SFPQ: variants seen among roughly 807,000 people sequenced by gnomAD.
The protein encoded by SFPQ is splicing factor proline and glutamine rich.
SFPQ carries 11 observed loss-of-function variants against 72.9 expected under a neutral mutation model. That is an observed-to-expected ratio of 0.15 (90% confidence interval 0.09 to 0.25). The LOEUF is 0.25. Among genes scored for constraint, SFPQ ranks in the 10% least tolerant of loss-of-function variants. The pLI, the probability that SFPQ is intolerant of heterozygous loss-of-function variation, is 1.00. For synonymous variants in SFPQ, 506 were observed against 367.3 expected (o/e 1.38, Z -4.32); for missense variants, 847 against 993.3 (o/e 0.85, Z 1.98).
At chr1:35,191,923 T>C (rs963157608) in intron 1 of SFPQ, among the ~76,000 whole-genome samples, 1 of 152,240 alleles carries the variant, frequency 6.6e-6, no homozygotes, top group South Asian at 2.1e-4. Flanking sequence ...CTACGCCGCA[T>C]GCTCTGCATT....
chr1:35,183,374 C>T lies in SFPQ; in HGVS notation c.*1082G>A, dbSNP rs534113855. 10 of 278,232 alleles carry T rather than the reference C, an allele frequency of 3.6e-5. No homozygotes were observed. In the East Asian group the frequency reaches 8.6e-4, roughly 24 times the overall value. The allele number at this position is 278,232 out of a possible 1,614,324, so 17.2% of individuals were successfully genotyped here. ...CTGGGATTACAGGCGCCTGCCACCACGCCCAGCTAATTTTTTGTATTTTTA... is the reference window on the plus strand; with the variant it reads ...CTGGGATTACAGGCGCCTGCCACCATGCCCAGCTAATTTTTTGTATTTTTA... On this transcript the variant is annotated 3_prime_UTR_variant, in exon 10 of 10. Coordinates refer to ENST00000357214, the MANE Select transcript of SFPQ (RefSeq NM_005066.3).
Position 35,192,268 on chromosome 1 carries a change from G to A in SFPQ, c.782C>T (p.Pro261Leu), listed in dbSNP as rs1386539443. The change falls in exon 1 of 10, where the codon CCC (proline) becomes CTC (leucine). Residue 261 changes from proline (P) to leucine (L), a missense_variant. Physicochemically the swap from Pro to Leu is moderately conservative, Grantham distance 98. Around this residue, in one of 6 missense-constraint regions of SFPQ, gnomAD observed 498 missense variants for 405.1 expected, o/e 1.23. Coordinates refer to ENST00000357214, the MANE Select transcript of SFPQ (RefSeq NM_005066.3). ...CTCGCTGCGGCCGCCGGGCCCGCCG[G>A]GCGGGGGCCCCTGGTGATGCTGCTG... ...YHQQHHQGPP[P>L]GGPGGRSEEK... The A allele has an allele frequency of 1.4e-6, 2 of 1,463,640 alleles. No homozygotes were observed. Among genetic ancestry groups the A allele is most frequent in the African/African-American group, 1.5e-5 (1 of 67,638 alleles). 90.7% of individuals were successfully genotyped at this position (1,463,640 alleles called of 1,614,324 possible). A position where few individuals can be genotyped will look rare whatever the true frequency, so the allele number is the denominator to read the frequency against.
rs772025230 is a variant in SFPQ, at chr1:35,191,470, T to C, written c.888A>G (p.Arg296=). ...GTAGATTCCCAACAAACAACCGACA[T>C]CGCTGTGTGTAAGTTTTCTCTCCAG... ...RRPGEKTYTQ[R]CRLFVGNLPA... is the part of the protein sequence containing the mutation. The change falls in exon 2 of 10, where the codon CGA becomes CGG. Residue 296 remains arginine (R), a synonymous_variant. Transcript: ENST00000357214. 1.9e-6 allele frequency: 3 copies of C among 1,614,166 alleles called. No homozygotes were observed. In the South Asian group the frequency reaches 3.3e-5, roughly 18 times the overall value.
At chr1:35,187,888 G>C in intron 7 of SFPQ, 85 bp downstream of exon 7, 2 of 800,884 alleles carry the variant, frequency 2.5e-6, no homozygotes, top group Non-Finnish European at 4.3e-6. Context: ...ACTGTAATTT[G>C]ATATTAAAAT....
downstream of SFPQ, chr1:35,179,398 G>A (rs1317347539): frequency 9.5e-7 from 1 of 1,056,384 alleles, no homozygotes. Context: ...GAAAGCACCG[G>A]TATCTGTTCC....
chr1:35,178,903 AT>A (rs1639356803), downstream of SFPQ: 1 of 1,041,534 alleles, frequency 9.6e-7, no homozygotes. Context: ...AAAAAAAAAT[AT>A]TTTTTTCAGC....
chr1:35,179,258 C>A, downstream of SFPQ: 1 of 1,061,136 alleles, frequency 9.4e-7, no homozygotes, highest in Non-Finnish European at 1.1e-6. Context: ...ACATGCAACC[C>A]CCATTAAGGT....
intron 1 of SFPQ, among the ~76,000 whole-genome samples, chr1:35,192,011 C>T (rs528094367): frequency 6.6e-6 from 1 of 152,144 alleles, no homozygotes; most frequent in East Asian, 1.9e-4. Context: ...AGGAAACCTC[C>T]CCTAGCCTTC....
At chr1:35,188,184 T>C in intron 6 of SFPQ, 94 bp from the exon 7 acceptor site, 1 of 937,196 alleles carries the variant, frequency 1.1e-6, no homozygotes, top group South Asian at 1.4e-5. Flanking sequence ...AGAACTAGGT[T>C]AGCACTAAAA....
At chr1:35,187,451 C>A (rs1194939978) in intron 7 of SFPQ, among the ~76,000 whole-genome samples, 200 bp from the exon 8 acceptor site, 4 of 152,220 alleles carry the variant, frequency 2.6e-5, no homozygotes, top group African/African-American at 7.2e-5. Context: ...CTATTCAAGG[C>A]CGGGAGCAGT....
chr1:35,191,966 G>C (rs1214223847), intron 1 of SFPQ, among the ~76,000 whole-genome samples: 3 of 152,092 alleles, frequency 2.0e-5, no homozygotes. Context: ...ACCTTCTGCA[G>C]GGCCGACCAC....
chr1:35,178,920 TGTTCAA>T, downstream of SFPQ: 1 of 1,052,098 alleles, frequency 9.5e-7, no homozygotes, highest in East Asian at 5.4e-5. Context: ...TCAGCACTGG[TGTTCAA>T]AAGCAACGTT....
At chr1:35,187,144 T>C (rs1036582774) in intron 8 of SFPQ, 22 bp from the exon 9 acceptor site, 2 of 1,614,034 alleles carry the variant, frequency 1.2e-6, no homozygotes, top group South Asian at 1.1e-5. Context: ...AAATAGTGGT[T>C]ACAACTCCAC....
intron 4 of SFPQ, 102 bp from the exon 5 acceptor site, chr1:35,189,484 G>A (rs888338557): frequency 2.1e-6 from 2 of 970,236 alleles, no homozygotes; most frequent in Admixed American, 5.9e-5. Context: ...CTTGTAAAGA[G>A]TACAAAAGGC....
At chr1:35,178,477 G>C (rs1273681239), downstream of SFPQ, 22 of 1,064,340 alleles carry the variant, frequency 2.1e-5, no homozygotes, top group Non-Finnish European at 2.4e-5. Flanking sequence ...TTCAGCAGGA[G>C]TCCTCCAAGA....
intron 2 of SFPQ, 127 bp downstream of exon 2, chr1:35,191,214 G>C (rs1410859207): frequency 5.6e-6 from 5 of 895,562 alleles, no homozygotes; most frequent in African/African-American, 1.7e-5. Context: ...TTTCCTGTAA[G>C]AATGGTGAAA....
At chr1:35,187,741 CCAAA>C (rs903564619) in intron 7 of SFPQ, among the ~76,000 whole-genome samples, 49 of 151,002 alleles carry the variant, frequency 3.2e-4, no homozygotes, top group African/African-American at 8.0e-4. Flanking sequence ...AAAAAAAAAA[CCAAA>C]CAAACAAAAA....
rs1640065789 is a variant in SFPQ at position 35,192,414 on chromosome 1, C to A, written c.636G>T (p.Met212Ile). 1 of 1,426,238 alleles carries A rather than the reference C, an allele frequency of 7.0e-7. No individual in the cohort carries two copies. Among genetic ancestry groups the A allele is most frequent in the Non-Finnish European group, 9.1e-7 (1 of 1,097,714 alleles). 88.3% of individuals were successfully genotyped at this position (1,426,238 alleles called of 1,614,324 possible). A position where few individuals can be genotyped will look rare whatever the true frequency, so the allele number is the denominator to read the frequency against. Residue 212 changes from methionine to isoleucine, a missense_variant, in exon 1 of 10, where the codon ATG becomes ATT. Around this residue, in one of 6 missense-constraint regions of SFPQ, gnomAD observed 498 missense variants for 405.1 expected, o/e 1.23. Transcript: ENST00000357214. ...PGPGGPKGGK[M>I]PGGPKPGGGP... ...CGCCACCTGGCTTCGGCCCGCCAGG[C>A]ATTTTGCCGCCTTTGGGACCACCCG... is the stretch of plus-strand genomic sequence containing the variant.
downstream of SFPQ, chr1:35,180,201 C>A: frequency 9.5e-7 from 1 of 1,051,770 alleles, no homozygotes; most frequent in Non-Finnish European, 1.1e-6. Context: ...AAACATTATA[C>A]ATGAAAACTG....
Sources: gnomAD v4.1 joint callset for allele counts (sites outside exome capture counted in the v4.1 genomes callset) on GRCh38, gnomAD v4.1.1 for gene constraint, gnomAD v4.1.1 regional missense constraint, MANE v1.5 for transcripts, NCBI Gene and HGNC (gene_info 2026-07-23, HGNC 2026-07-21) for gene names.